The following TTC39C variants were observed in gnomAD, a reference collection of about 807,000 sequenced individuals.
TTC39C encodes the protein tetratricopeptide repeat domain 39C, also known as tetratricopeptide repeat protein 39C.
Under a neutral mutation model 76.3 loss-of-function variants are expected in TTC39C, and 33 were observed. That is an observed-to-expected ratio of 0.43 (90% CI 0.33 to 0.58). TTC39C has a LOEUF of 0.58. Ranked by LOEUF, TTC39C falls within the 20% of genes least tolerant of loss-of-function variation. The probability of loss-of-function intolerance (pLI) is 0.04; values close to 1 mark genes in which losing one functional copy is unlikely to be tolerated. For missense variants in TTC39C, 595 were observed against 701.4 expected (o/e 0.85, Z 1.71); for synonymous variants, 254 against 260.6 (o/e 0.97, Z 0.24).
At chr18:23,999,922 C>T (rs970512587) in intron 1 of TTC39C, among the ~76,000 whole-genome samples, 5 of 152,194 alleles carry the variant, frequency 3.3e-5, no homozygotes, top group African/African-American at 7.2e-5. Flanking sequence ...CTTTAGCTTC[C>T]TTAAACCAAA....
chr18:23,999,398 G>T (rs916019492), intron 1 of TTC39C, among the ~76,000 whole-genome samples: 1 of 152,206 alleles, frequency 6.6e-6, no homozygotes, highest in African/African-American at 2.4e-5. Flanking sequence ...GCCATATGGA[G>T]CCACCACACT....
chr18:24,102,013 T>C (rs1258753061), intron 6 of TTC39C, among the ~76,000 whole-genome samples: 3 of 152,218 alleles, frequency 2.0e-5, no homozygotes, highest in Non-Finnish European at 4.4e-5. Flanking sequence ...CCAGCCCAGC[T>C]TTCTGAGCCT....
intron 1 of TTC39C, among the ~76,000 whole-genome samples, chr18:24,053,698 C>G (rs1214863370): frequency 6.6e-6 from 1 of 152,114 alleles, no homozygotes; most frequent in African/African-American, 2.4e-5. Context: ...AAAAATGAGC[C>G]GATAGCCCAG....
At chr18:24,131,791 T>G in intron 12 of TTC39C, 91 bp from the exon 13 acceptor site, 1 of 1,022,640 alleles carries the variant, frequency 9.8e-7, no homozygotes, top group Non-Finnish European at 1.5e-6. Context: ...CTACAGTGAA[T>G]TGTTTTAATT....
intron 8 of TTC39C, among the ~76,000 whole-genome samples, chr18:24,121,570 ACT>A (rs2084969280): frequency 1.3e-5 from 2 of 151,856 alleles, no homozygotes; most frequent in Admixed American, 6.6e-5. Flanking sequence ...CAAGAGCAAA[ACT>A]CTGTCAAAAA....
chr18:24,113,895 G>A (rs2084853192), intron 6 of TTC39C: 2 of 540,564 alleles, frequency 3.7e-6, no homozygotes, highest in Admixed American at 3.2e-5. Context: ...TGTTGGAAAT[G>A]TAATCTGGAT....
At chr18:24,119,181 C>A (rs2084935974) in intron 8 of TTC39C, among the ~76,000 whole-genome samples, 1 of 152,092 alleles carries the variant, frequency 6.6e-6, no homozygotes, top group African/African-American at 2.4e-5. Context: ...CACCTGGTGG[C>A]CAAAGTAGTT....
intron 4 of TTC39C, among the ~76,000 whole-genome samples, chr18:24,070,451 A>C (rs149158511): frequency 6.6e-6 from 1 of 152,146 alleles, no homozygotes; most frequent in Non-Finnish European, 1.5e-5. Context: ...AGAGTACCAG[A>C]GCTTATCTGG....
At chr18:24,027,304 A>C (rs1175068725) in intron 1 of TTC39C, among the ~76,000 whole-genome samples, 2 of 152,124 alleles carry the variant, frequency 1.3e-5, no homozygotes, top group Non-Finnish European at 2.9e-5. Context: ...GGATTAAACT[A>C]AAATTCATGC....
In TTC39C at chr18:24,053,762, T is replaced by G. The variant is rs376521993; in HGVS notation, c.168-10378T>G. Among the ~76,000 whole-genome samples, 8 of 152,312 alleles carry G rather than the reference T, an allele frequency of 5.3e-5. No homozygotes were observed. In the South Asian group the frequency reaches 1.0e-3, roughly 20 times the overall value. ...TACATTCAGACCATCAGGTCTCCTGTGAAATTGGGACATTTCAAGCCTTTA... is the reference window on the plus strand; with the variant it reads ...TACATTCAGACCATCAGGTCTCCTGGGAAATTGGGACATTTCAAGCCTTTA... On this transcript the variant is annotated intron_variant, in intron 1 of 13. Coordinates refer to ENST00000317571, the MANE Select transcript of TTC39C (RefSeq NM_001135993.2).
chr18:24,074,156 A>G (rs548723569), intron 4 of TTC39C, among the ~76,000 whole-genome samples: 1 of 152,374 alleles, frequency 6.6e-6, no homozygotes, highest in South Asian at 2.1e-4. Flanking sequence ...CCATAGACAT[A>G]TAAGTTAGTT....
intron 6 of TTC39C, among the ~76,000 whole-genome samples, chr18:24,104,610 G>A (rs2084721236): frequency 6.6e-6 from 1 of 151,900 alleles, no homozygotes; most frequent in Non-Finnish European, 1.5e-5. Context: ...TAAGCTCCAC[G>A]AGGACAGAGA....
At chr18:24,037,080 G>A (rs2145684709) in intron 1 of TTC39C, among the ~76,000 whole-genome samples, 1 of 152,276 alleles carries the variant, frequency 6.6e-6, no homozygotes, top group South Asian at 2.1e-4. Flanking sequence ...AATAGCAATG[G>A]CAAAAGTGGG....
chr18:24,124,621 A>G (rs1203311362), intron 9 of TTC39C, among the ~76,000 whole-genome samples: 1 of 152,176 alleles, frequency 6.6e-6, no homozygotes, highest in Non-Finnish European at 1.5e-5. Context: ...CTGAATTATC[A>G]GTTATTTTAG....
Position 24,045,759 on chromosome 18 carries a change from TA to T in TTC39C, c.168-18376del, listed in dbSNP as rs758970386. Among the ~76,000 whole-genome samples, 104 of 151,306 alleles carry T rather than the reference TA, an allele frequency of 6.9e-4. No homozygotes were observed. The Middle Eastern group carries it at 0.014, about 20-fold the overall frequency. On this transcript the variant is annotated intron_variant, in intron 1 of 13. Coordinates refer to ENST00000317571, the MANE Select transcript of TTC39C (RefSeq NM_001135993.2). Reference sequence around the variant, plus strand: ...AAAACTATGCCTTATGTTGATCAAATAAAAACTTTAAATTATAAAGATAAAT... The same window carrying T: ...AAAACTATGCCTTATGTTGATCAAATAAAACTTTAAATTATAAAGATAAAT...
At chr18:24,046,040 G>A (rs563830494) in intron 1 of TTC39C, among the ~76,000 whole-genome samples, 21 of 141,798 alleles carry the variant, frequency 1.5e-4, no homozygotes, top group South Asian at 2.4e-4. Flanking sequence ...CTGGGTTCAC[G>A]CCATTCTCCT....
At chr18:24,044,812 A>G (rs1477850975) in intron 1 of TTC39C, among the ~76,000 whole-genome samples, 1 of 152,188 alleles carries the variant, frequency 6.6e-6, no homozygotes, top group Non-Finnish European at 1.5e-5. Flanking sequence ...TTGTTTTCGG[A>G]AAGATTTATG....
chr18:24,131,630 C>T (rs780672608), intron 12 of TTC39C, among the ~76,000 whole-genome samples: 32 of 150,764 alleles, frequency 2.1e-4, no homozygotes, highest in Non-Finnish European at 4.1e-4. Context: ...TGCTTGAACA[C>T]GGGAGGCAGA....
chr18:24,024,830 AAAAC>A (rs1414460038), intron 1 of TTC39C, among the ~76,000 whole-genome samples: 27 of 152,340 alleles, frequency 1.8e-4, no homozygotes, highest in African/African-American at 5.3e-4. Flanking sequence ...GTAAGGTTGA[AAAAC>A]AAGATTCAAA....
Sources: allele counts gnomAD v4.1 joint callset (sites outside exome capture counted in the v4.1 genomes callset), GRCh38; gene constraint gnomAD v4.1.1; transcripts MANE v1.5; gene names NCBI Gene and HGNC (gene_info 2026-07-23, HGNC 2026-07-21).